Variants in HECTD4 observed in about 807,000 individuals in gnomAD.
HECTD4 encodes HECT domain E3 ubiquitin protein ligase 4.
HECTD4 carries 114 observed loss-of-function variants against 471.5 expected under a neutral mutation model. The observed-to-expected ratio is 0.24, with a 90% confidence interval of 0.21 to 0.28. The LOEUF is 0.28. Among genes scored for constraint, HECTD4 ranks in the 10% least tolerant of loss-of-function variants. The pLI is 1.00. For synonymous variants in HECTD4, 2,012 were observed against 2,256.0 expected, an observed-to-expected ratio of 0.89 and a Z score of 3.07; for missense variants, 3,866 against 5,651.5, an observed-to-expected ratio of 0.68 and a Z score of 10.13.
At chr12:112,208,823 TTA>T (rs1362747751) in intron 50 of HECTD4, among the ~76,000 whole-genome samples, 193 bp from the exon 51 acceptor site, 1 of 151,994 alleles carries the variant, frequency 6.6e-6, no homozygotes, top group Non-Finnish European at 1.5e-5. Flanking sequence ...AAAATAGTTT[TTA>T]TGAGTATAAT....
rs1429304183 is a variant in HECTD4, at chr12:112,235,267, C to G, written c.5726-1G>C. 1 of 1,603,368 alleles carries G rather than the reference C, an allele frequency of 6.2e-7. No homozygotes were observed. The highest frequency in any genetic ancestry group is 1.3e-5 in the African/African-American group (1 of 74,162). On this transcript the variant is annotated splice_acceptor_variant, in intron 36 of 75. Coordinates refer to ENST00000682272, the MANE Select transcript of HECTD4 (RefSeq NM_001388303.1). LOFTEE classifies it high-confidence loss of function. The surrounding 1 kb of genome is among the most constrained non-coding windows in gnomAD (Gnocchi z 5.0). The stretch of plus-strand genomic sequence containing the variant: ...GTTGGAGAAAGAACTGTCTGACATC[C>G]TTTAAGCAAAAAACAAAGCTCATTC...
At chr12:112,268,510 C>T (rs1287420894) in intron 13 of HECTD4, among the ~76,000 whole-genome samples, 2 of 152,246 alleles carry the variant, frequency 1.3e-5, no homozygotes, top group South Asian at 2.1e-4. Flanking sequence ...AATCCCAGTA[C>T]TTTGGGAGGC....
At position 112,235,548 on chromosome 12, in the gene HECTD4, A is replaced by T; in HGVS notation, c.5681T>A (p.Ile1894Asn). The change falls in exon 36 of 76, where the codon ATC becomes AAC. Residue 1894 changes from isoleucine (I) to asparagine (N), a missense_variant. This residue lies in a region of HECTD4 where 617 missense variants were observed against 915.1 expected (regional missense o/e 0.67). Transcript: ENST00000682272. This position sits in a 1 kb window ranked among gnomAD's most constrained non-coding sequence, Gnocchi z 5.0. ...CAGCTTTGCTAAGAGCAGGGAGGCG[A>T]TCTTGGAAGCTGGGTCGCTGGGATC... ...QEDPSDPASKIASLLLAKLAD... is the reference protein window; with the variant it reads ...QEDPSDPASKNASLLLAKLAD... The T allele has an allele frequency of 6.2e-7, 1 of 1,613,802 alleles. No homozygotes were observed. Among genetic ancestry groups the T allele is most frequent in the Non-Finnish European group, 8.5e-7 (1 of 1,179,808 alleles).
intron 2 of HECTD4, among the ~76,000 whole-genome samples, chr12:112,316,074 C>T (rs2086714211): frequency 6.6e-6 from 1 of 152,090 alleles, no homozygotes; most frequent in Non-Finnish European, 1.5e-5. Flanking sequence ...AAAGTCCTTC[C>T]ATGGCTCACA....
intron 32 of HECTD4, among the ~76,000 whole-genome samples, chr12:112,242,158 A>C (rs1435078830): frequency 6.6e-6 from 1 of 152,234 alleles, no homozygotes; most frequent in Non-Finnish European, 1.5e-5. Flanking sequence ...CAGTTATGGA[A>C]ATGTATAAAA....
chr12:112,237,050 C>T lies in HECTD4; in HGVS notation c.5339G>A (p.Ser1780Asn). The T allele has an allele frequency of 6.2e-7, 1 of 1,602,316 alleles. No individual in the cohort carries two copies. Among genetic ancestry groups the T allele is most frequent in the Non-Finnish European group, 8.5e-7 (1 of 1,174,958 alleles). ...TCGGGCAAGATGGTTAGTGAGAAGG[C>T]TGGACACCTGCCGGGCCAGACCTGA... ...VHSGLARQVS[S>N]LLTNHLARAT... The change falls in exon 35 of 76, where the codon AGC becomes AAC. Residue 1780 changes from serine to asparagine, a missense_variant. Physicochemically the swap from Ser to Asn is conservative, Grantham distance 46 (BLOSUM62 1). This residue lies in a region of HECTD4 where 229 missense variants were observed against 386.4 expected (regional missense o/e 0.59). Transcript: ENST00000682272.
At chr12:112,229,482 T>C (rs1408281757) in intron 41 of HECTD4, among the ~76,000 whole-genome samples, 2 of 152,220 alleles carry the variant, frequency 1.3e-5, no homozygotes, top group Non-Finnish European at 2.9e-5. Flanking sequence ...ACAAGTATTG[T>C]AGTTAACCTA....
rs776582930 is a variant in HECTD4 at position 112,184,661 on chromosome 12, C to A, written c.10305G>T (p.Pro3435=). ...GGVFKDEIYI[P]LQEEDTKKPK... ...GCTTCTTGGTGTCTTCTTCCTGCAG[C>A]GGGATGTAGATCTCGTCTTTGAAGA... The change falls in exon 61 of 76, where the codon CCG becomes CCT. Residue 3435 remains proline (P), a synonymous_variant. Coordinates refer to ENST00000682272, the MANE Select transcript of HECTD4 (RefSeq NM_001388303.1). The surrounding 1 kb of genome is among the most constrained non-coding windows in gnomAD (Gnocchi z 9.1). 3 of 1,613,796 alleles carry A rather than the reference C, an allele frequency of 1.9e-6. No individual in the cohort carries two copies. Among genetic ancestry groups the A allele is most frequent in the Middle Eastern group, 1.6e-4 (1 of 6,062 alleles).
Position 112,162,963 on chromosome 12 carries a change from TG to T in HECTD4, c.13120+78del. ...TCCTGTTCATTGTTCTCCCTTCACA[TG>T]GGGCCTGGCAGCCCCAGTTCCAAAC... On this transcript the variant is annotated intron_variant, in intron 75 of 75. Transcript: ENST00000682272. This position sits in a 1 kb window ranked among gnomAD's most constrained non-coding sequence, Gnocchi z 5.2. 1 of 1,162,446 alleles carries T rather than the reference TG, an allele frequency of 8.6e-7. No individual in the cohort carries two copies. The highest frequency in any genetic ancestry group is 1.2e-6 in the Non-Finnish European group (1 of 805,406). 72.0% of individuals were successfully genotyped at this position (1,162,446 alleles called of 1,614,324 possible).
At chr12:112,364,414 A>T (rs1392911136) in intron 1 of HECTD4, among the ~76,000 whole-genome samples, 7 of 145,056 alleles carry the variant, frequency 4.8e-5, no homozygotes, top group Admixed American at 3.4e-4. Flanking sequence ...CTCTCAAAAA[A>T]AAAAAAAAAT....
intron 1 of HECTD4, among the ~76,000 whole-genome samples, chr12:112,380,111 A>G (rs1053496812): frequency 2.6e-5 from 4 of 152,216 alleles, no homozygotes; most frequent in African/African-American, 4.8e-5. Flanking sequence ...ACATATATGT[A>G]TAAATTTTGG....
At position 112,193,085 on chromosome 12, in the gene HECTD4, T is replaced by G. The variant is rs764215970; in HGVS notation, c.9062A>C (p.Glu3021Ala). 6.2e-7 allele frequency: 1 copy of G among 1,614,060 alleles called. No individual in the cohort carries two copies. The highest frequency in any genetic ancestry group is 8.5e-7 in the Non-Finnish European group (1 of 1,179,912). The part of the protein sequence containing the change: ...GAAFVVVSCK[E>A]SQSGFRKDSS... ...CTCTTTGCGGAATCCAGATTGACTT[T>G]CTTTACAAGACACAACAACAAAAGC... Residue 3021 changes from glutamate (E) to alanine (A), a missense_variant, in exon 58 of 76, where the codon GAA (glutamate) becomes GCA (alanine). Physicochemically the swap from Glu to Ala is moderately radical, Grantham distance 107. This residue lies in a region of HECTD4 where 364 missense variants were observed against 413.2 expected (regional missense o/e 0.88). Coordinates refer to ENST00000682272, the MANE Select transcript of HECTD4 (RefSeq NM_001388303.1). The surrounding 1 kb of genome is among the most constrained non-coding windows in gnomAD (Gnocchi z 5.2).
At chr12:112,357,256 A>T (rs2036357500) in intron 1 of HECTD4, among the ~76,000 whole-genome samples, 1 of 152,198 alleles carries the variant, frequency 6.6e-6, no homozygotes, top group Admixed American at 6.6e-5. Context: ...AAAGAGGAAA[A>T]GTCATAATAA....
intron 10 of HECTD4, among the ~76,000 whole-genome samples, chr12:112,274,240 A>G (rs1344134565): frequency 6.6e-6 from 1 of 152,250 alleles, no homozygotes; most frequent in Non-Finnish European, 1.5e-5. Flanking sequence ...TAACAATAAC[A>G]GGTATACCAA....
At chr12:112,222,433 G>A (rs2135556702) in intron 44 of HECTD4, among the ~76,000 whole-genome samples, 1 of 152,284 alleles carries the variant, frequency 6.6e-6, no homozygotes, top group East Asian at 1.9e-4. Context: ...TTGGGAGGTT[G>A]AAGTGGGCGG....
intron 17 of HECTD4, among the ~76,000 whole-genome samples, chr12:112,263,290 G>A (rs75771207): frequency 6.3e-4 from 96 of 152,286 alleles, no homozygotes; most frequent in East Asian, 1.9e-3. Context: ...AAAGGAGTAA[G>A]AAAGGGGCAA....
intron 72 of HECTD4, among the ~76,000 whole-genome samples, chr12:112,164,686 T>C (rs2030858017): frequency 6.6e-6 from 1 of 151,524 alleles, no homozygotes; most frequent in African/African-American, 2.4e-5. Context: ...AATGGCGCAA[T>C]CTTGGCTCGC....
intron 70 of HECTD4, 136 bp downstream of exon 70, chr12:112,169,367 G>A (rs1246613702): frequency 2.9e-6 from 3 of 1,017,826 alleles, no homozygotes; most frequent in Non-Finnish European, 4.2e-6. Flanking sequence ...CACTCTGGGT[G>A]CAGACCTGGC....
At chr12:112,274,811 A>G (rs1177701295) in intron 10 of HECTD4, 36 bp downstream of exon 10, 18 of 1,344,468 alleles carry the variant, frequency 1.3e-5, no homozygotes, top group Non-Finnish European at 1.8e-5. Context: ...CTAAAACTTG[A>G]AATTTTCCAA....
Sources: gnomAD v4.1 joint callset for allele counts (sites outside exome capture counted in the v4.1 genomes callset) on GRCh38, gnomAD v4.1.1 for gene constraint, gnomAD v4.1.1 regional missense constraint, Gnocchi (gnomAD v3.1) non-coding constraint, MANE v1.5 for transcripts, NCBI Gene and HGNC (gene_info 2026-07-23, HGNC 2026-07-21) for gene names.